LRP1B: variants seen among roughly 807,000 people sequenced by gnomAD.
LRP1B encodes the protein low-density lipoprotein receptor-related protein 1B.
A neutral mutation model predicts 556.6 loss-of-function variants in LRP1B; 217 were observed. The observed-to-expected ratio is 0.39, with a 90% CI of 0.35 to 0.44. The LOEUF is 0.44. Ranked by LOEUF, LRP1B falls within the 20% of genes least tolerant of loss-of-function variation. LRP1B has a pLI of 1.00. For missense variants in LRP1B, 5,053 were observed against 5,620.8 expected, an observed-to-expected ratio of 0.90 and a Z score of 3.23; for synonymous variants, 2,047 against 1,865.8, an observed-to-expected ratio of 1.10 and a Z score of -2.50.
intron 20 of LRP1B, among the ~76,000 whole-genome samples, chr2:140,948,886 C>T (rs1012883927): frequency 1.3e-5 from 2 of 152,108 alleles, no homozygotes; most frequent in African/African-American, 4.8e-5. Context: ...AACAGCTGGG[C>T]TTTTTAAAAA....
intron 62 of LRP1B, among the ~76,000 whole-genome samples, chr2:140,454,485 G>A (rs1573957651): frequency 6.6e-6 from 1 of 152,188 alleles, no homozygotes; most frequent in East Asian, 1.9e-4. Flanking sequence ...AACTAATGAA[G>A]TGATACCTCC....
At chr2:141,678,560 GA>G (rs1256800298) in intron 2 of LRP1B, among the ~76,000 whole-genome samples, 1 of 152,128 alleles carries the variant, frequency 6.6e-6, no homozygotes, top group Non-Finnish European at 1.5e-5. Flanking sequence ...AATGCGGATA[GA>G]AGAAATGGGA....
At chr2:140,601,295 A>G (rs11689750) in intron 42 of LRP1B, among the ~76,000 whole-genome samples, 155 bp downstream of exon 42, 41,618 of 148,098 alleles carry the variant, frequency 0.28, 6,167 homozygotes, top group Middle Eastern at 0.43. Context: ...TCACATTTAT[A>G]ATGCTCTTAC....
intron 68 of LRP1B, among the ~76,000 whole-genome samples, chr2:140,375,799 T>C (rs1683202127): frequency 6.6e-6 from 1 of 152,162 alleles, no homozygotes; most frequent in African/African-American, 2.4e-5. Context: ...AAAATCACTT[T>C]AAGTAATCAT....
intron 6 of LRP1B, among the ~76,000 whole-genome samples, chr2:141,194,194 A>G (rs1249634394): frequency 6.6e-6 from 1 of 152,122 alleles, no homozygotes; most frequent in East Asian, 1.9e-4. Flanking sequence ...TCTCTTGTTA[A>G]TGAGCTAAAT....
At chr2:141,805,162 A>G (rs1696130769) in intron 2 of LRP1B, among the ~76,000 whole-genome samples, 1 of 152,068 alleles carries the variant, frequency 6.6e-6, no homozygotes, top group South Asian at 2.1e-4. Flanking sequence ...TTTTCCTAAC[A>G]GAGAGGCTCA....
chr2:141,077,632 G>T lies in LRP1B; in HGVS notation c.1014-15359C>A, dbSNP rs191207549. Among the ~76,000 whole-genome samples, 18 of 152,270 alleles carry T rather than the reference G, an allele frequency of 1.2e-4. No homozygotes were observed. The East Asian group carries it at 3.1e-3, about 26-fold the overall frequency. On this transcript the variant is annotated intron_variant, in intron 7 of 90. Coordinates refer to ENST00000389484, the MANE Select transcript of LRP1B (RefSeq NM_018557.3). ...GTGGACCTGATTTAATCAATTAAAA[G>T]AATTTAAGAGCAGAACTGTGATTTC...
intron 1 of LRP1B, among the ~76,000 whole-genome samples, chr2:142,076,046 C>T (rs1359636591): frequency 6.6e-6 from 1 of 152,066 alleles, no homozygotes; most frequent in Non-Finnish European, 1.5e-5. Context: ...CACGTTATCA[C>T]CCTGAAGCAA....
chr2:141,658,936 C>T (rs1259000582), intron 2 of LRP1B, among the ~76,000 whole-genome samples: 1 of 152,128 alleles, frequency 6.6e-6, no homozygotes, highest in East Asian at 1.9e-4. Context: ...CAGGGTCTCG[C>T]TCTGTTGCTC....
At chr2:141,415,671 T>A (rs1431440068) in intron 3 of LRP1B, among the ~76,000 whole-genome samples, 2 of 152,210 alleles carry the variant, frequency 1.3e-5, no homozygotes, top group Non-Finnish European at 2.9e-5. Context: ...GCGCCATTTA[T>A]AAGTAAGCAT....
chr2:140,832,755 G>A (rs886269128), intron 31 of LRP1B, among the ~76,000 whole-genome samples: 2 of 152,106 alleles, frequency 1.3e-5, no homozygotes, highest in African/African-American at 4.8e-5. Context: ...CAAAGGAGTA[G>A]GGGGATGAAG....
At chr2:141,460,278 T>G (rs1321698565) in intron 3 of LRP1B, among the ~76,000 whole-genome samples, 1 of 152,168 alleles carries the variant, frequency 6.6e-6, no homozygotes, top group Admixed American at 6.6e-5. Context: ...TCATTCTCAA[T>G]GAATCCAACA....
At chr2:141,824,108 T>G (rs1260602061) in intron 1 of LRP1B, among the ~76,000 whole-genome samples, 1 of 152,214 alleles carries the variant, frequency 6.6e-6, no homozygotes, top group East Asian at 1.9e-4. Context: ...AGTTAGGCTT[T>G]TTACTTTTCA....
At chr2:141,517,758 A>T (rs1180460028) in intron 2 of LRP1B, among the ~76,000 whole-genome samples, 1 of 152,190 alleles carries the variant, frequency 6.6e-6, no homozygotes, top group Non-Finnish European at 1.5e-5. Context: ...GCTTTTACCA[A>T]AGATGTTTCA....
At chr2:140,998,109 C>T (rs1697306589) in intron 15 of LRP1B, among the ~76,000 whole-genome samples, 1 of 152,004 alleles carries the variant, frequency 6.6e-6, no homozygotes, top group African/African-American at 2.4e-5. Context: ...TAGTGAAGTC[C>T]TGTTTCTTGA....
chr2:141,950,487 A>G (rs964422853), intron 1 of LRP1B, among the ~76,000 whole-genome samples: 1 of 152,146 alleles, frequency 6.6e-6, no homozygotes, highest in African/African-American at 2.4e-5. Context: ...TGATGAAGAA[A>G]CATTTTAAAT....
intron 32 of LRP1B, among the ~76,000 whole-genome samples, chr2:140,784,376 C>CCACA (rs143661527): frequency 0.087 from 11,046 of 126,512 alleles, 501 homozygotes; most frequent in Middle Eastern, 0.13. Context: ...GATTCTGCCT[C>CCACA]CACACACACA....
intron 66 of LRP1B, among the ~76,000 whole-genome samples, chr2:140,439,651 T>A (rs2105296737): frequency 6.6e-6 from 1 of 152,172 alleles, no homozygotes; most frequent in Admixed American, 6.5e-5. Flanking sequence ...ATATTTAATT[T>A]AATTTTTAAA....
intron 3 of LRP1B, among the ~76,000 whole-genome samples, chr2:141,358,659 A>G (rs555386937): frequency 6.6e-6 from 1 of 152,308 alleles, no homozygotes; most frequent in Admixed American, 6.5e-5. Context: ...AATTGTTTTC[A>G]TTACTGTTTT....
Sources: gnomAD v4.1 joint callset for allele counts (sites outside exome capture counted in the v4.1 genomes callset) on GRCh38, gnomAD v4.1.1 for gene constraint, MANE v1.5 for transcripts, NCBI Gene and HGNC (gene_info 2026-07-23, HGNC 2026-07-21) for gene names.